Variants in PPP2R2C observed in about 807,000 individuals in gnomAD.
The protein encoded by PPP2R2C is protein phosphatase 2, regulatory subunit B, gamma.
Under a neutral mutation model 45.3 loss-of-function variants are expected in PPP2R2C, and 10 were observed. The observed-to-expected ratio is 0.22, with a 90% confidence interval of 0.14 to 0.37. The LOEUF is 0.37. Among genes scored for constraint, PPP2R2C ranks in the 10% least tolerant of loss-of-function variants. The pLI is 1.00. For synonymous variants in PPP2R2C, 257 were observed against 245.4 expected, an observed-to-expected ratio of 1.05 and a Z score of -0.44; for missense variants, 308 against 619.7, an observed-to-expected ratio of 0.50 and a Z score of 5.34.
chr4:6,337,704 C>T (rs1733093205), intron 6 of PPP2R2C, among the ~76,000 whole-genome samples: 1 of 152,260 alleles, frequency 6.6e-6, no homozygotes, highest in Middle Eastern at 3.4e-3. Context: ...AAGTATCCTA[C>T]CAGCCTCCAG....
intron 2 of PPP2R2C, among the ~76,000 whole-genome samples, chr4:6,505,173 G>T (rs1390060356): frequency 6.8e-6 from 1 of 147,918 alleles, no homozygotes; most frequent in African/African-American, 2.4e-5. Flanking sequence ...AAAAAAAAAA[G>T]CCTGTCAATC....
Position 6,406,833 on chromosome 4 carries a change from G to A in PPP2R2C, c.71-25739C>T, listed in dbSNP as rs149852288. Among the ~76,000 whole-genome samples, 447 of 152,256 alleles carry A rather than the reference G, an allele frequency of 2.9e-3. 4 individuals are homozygous for A. The highest frequency in any genetic ancestry group is 0.01 in the African/African-American group (416 of 41,558). On this transcript the variant is annotated intron_variant, in intron 1 of 8. Coordinates refer to ENST00000382599, the MANE Select transcript of PPP2R2C (RefSeq NM_020416.4). ...CCACACTCTAATCCCTGGAACTTGT[G>A]AATGTGACCTTATTTGGAAAAAGGG...
intron 1 of PPP2R2C, among the ~76,000 whole-genome samples, chr4:6,406,046 C>G (rs1717776034): frequency 6.6e-6 from 1 of 152,102 alleles, no homozygotes; most frequent in Non-Finnish European, 1.5e-5. Context: ...TTACAATTAC[C>G]ACAATTAAAC....
At chr4:6,350,408 T>A in intron 5 of PPP2R2C, 1 of 985,440 alleles carries the variant, frequency 1.0e-6, no homozygotes, top group East Asian at 1.1e-4. Flanking sequence ...ATGGATAATG[T>A]GCAGTAGAGA....
chr4:6,335,611 G>A (rs1440887002), intron 6 of PPP2R2C, among the ~76,000 whole-genome samples: 1 of 152,112 alleles, frequency 6.6e-6, no homozygotes, highest in Non-Finnish European at 1.5e-5. Context: ...AAGGAGGTAG[G>A]GAGGGGCAGG....
chr4:6,433,216 G>C (rs886672919), intron 1 of PPP2R2C, among the ~76,000 whole-genome samples: 1 of 152,158 alleles, frequency 6.6e-6, no homozygotes, highest in African/African-American at 2.4e-5. Context: ...TGTTGTTCGA[G>C]GGTCTGCTCT....
chr4:6,510,998 C>CAAAAA (rs1190184264), intron 2 of PPP2R2C, among the ~76,000 whole-genome samples: 1 of 77,164 alleles, frequency 1.3e-5, no homozygotes. Flanking sequence ...AACAAACAAA[C>CAAAAA]AAAAAAAAAA....
At chr4:6,559,423 ACACACACAG>A (rs1308279147) in intron 1 of PPP2R2C, among the ~76,000 whole-genome samples, 25 of 130,242 alleles carry the variant, frequency 1.9e-4, no homozygotes, top group Non-Finnish European at 3.9e-4. Context: ...ACACACACAC[ACACACACAG>A]AACAGAGGCA....
Position 6,324,611 on chromosome 4 carries a change from G to C in PPP2R2C, c.1053-1018C>G, listed in dbSNP as rs188432981. Among the ~76,000 whole-genome samples, 1 of 152,196 alleles carries C rather than the reference G, an allele frequency of 6.6e-6. No homozygotes were observed. Among genetic ancestry groups the C allele is most frequent in the African/African-American group, 2.4e-5 (1 of 41,456 alleles). On this transcript the variant is annotated intron_variant, in intron 8 of 8. Coordinates refer to ENST00000382599, the MANE Select transcript of PPP2R2C (RefSeq NM_020416.4). This position sits in a 1 kb window ranked among gnomAD's most constrained non-coding sequence, Gnocchi z 4.1. ...AGGGGCCCGCCTGTCCCGAGGACTC[G>C]GGCGAATAAACAAACATGCATCGCC...
intron 1 of PPP2R2C, among the ~76,000 whole-genome samples, chr4:6,409,684 C>T (rs535956969): frequency 1.3e-5 from 2 of 152,242 alleles, no homozygotes; most frequent in South Asian, 2.1e-4. Flanking sequence ...AGGCTGCCAC[C>T]CCCCCATATC....
rs954598247 is a variant in PPP2R2C at position 6,332,565 on chromosome 4, G to A, written c.960+997C>T. ...CAGCGAGGCCTGCGCCACCCAGGAC[G>A]CTTTCCTACTAGGTCTTCGCACGGA... On this transcript the variant is annotated intron_variant, in intron 7 of 8. Transcript: ENST00000382599. The surrounding 1 kb of genome is among the most constrained non-coding windows in gnomAD (Gnocchi z 4.9). Among the ~76,000 whole-genome samples the A allele has an allele frequency of 9.8e-5, 15 of 152,300 alleles. No homozygotes were observed. Among genetic ancestry groups the A allele is most frequent in the African/African-American group, 3.6e-4 (15 of 41,562 alleles).
At chr4:6,517,545 T>C (rs1311690889) in intron 2 of PPP2R2C, among the ~76,000 whole-genome samples, 1 of 152,154 alleles carries the variant, frequency 6.6e-6, no homozygotes, top group Non-Finnish European at 1.5e-5. Flanking sequence ...CTAATACATA[T>C]TTTCCCCATT....
At chr4:6,551,469 A>G (rs1725181990) in intron 1 of PPP2R2C, among the ~76,000 whole-genome samples, 1 of 152,238 alleles carries the variant, frequency 6.6e-6, no homozygotes, top group Admixed American at 6.5e-5. Context: ...TATGGCCACA[A>G]GTCCCCCCAT....
chr4:6,502,454 C>T (rs1723089871), intron 2 of PPP2R2C, among the ~76,000 whole-genome samples: 1 of 152,018 alleles, frequency 6.6e-6, no homozygotes, highest in South Asian at 2.1e-4. Context: ...AGTCCCTCCC[C>T]TGCCCTCCTT....
chr4:6,439,933 G>T (rs548021391), intron 1 of PPP2R2C, among the ~76,000 whole-genome samples: 1 of 152,134 alleles, frequency 6.6e-6, no homozygotes, highest in East Asian at 1.9e-4. Context: ...CACTCCACCT[G>T]CCCTACGTCT....
At chr4:6,446,332 C>T (rs536915684) in intron 1 of PPP2R2C, among the ~76,000 whole-genome samples, 3 of 152,230 alleles carry the variant, frequency 2.0e-5, no homozygotes, top group East Asian at 1.9e-4. Flanking sequence ...GAGCATCGGA[C>T]GTTTTCCAGT....
At chr4:6,492,548 C>A (rs1378411883) in intron 2 of PPP2R2C, among the ~76,000 whole-genome samples, 2 of 152,232 alleles carry the variant, frequency 1.3e-5, no homozygotes, top group African/African-American at 4.8e-5. Context: ...CAACCCCCCA[C>A]CCATCTGAAC....
chr4:6,422,258 C>T (rs1356579401), intron 1 of PPP2R2C, among the ~76,000 whole-genome samples: 1 of 152,216 alleles, frequency 6.6e-6, no homozygotes, highest in Non-Finnish European at 1.5e-5. Flanking sequence ...TTAGCCGCCA[C>T]TTGCGTGAGA....
At chr4:6,411,385 A>G (rs2109369049) in intron 1 of PPP2R2C, among the ~76,000 whole-genome samples, 1 of 152,230 alleles carries the variant, frequency 6.6e-6, no homozygotes, top group African/African-American at 2.4e-5. Flanking sequence ...CTCCCAGCCC[A>G]GGCTGGCACA....
Sources: gnomAD v4.1 joint callset for allele counts (sites outside exome capture counted in the v4.1 genomes callset) on GRCh38, gnomAD v4.1.1 for gene constraint, Gnocchi (gnomAD v3.1) non-coding constraint, MANE v1.5 for transcripts, NCBI Gene and HGNC (gene_info 2026-07-23, HGNC 2026-07-21) for gene names.